The following ATF6B variants were observed in gnomAD, a reference collection of about 807,000 sequenced individuals.
ATF6B encodes cyclic AMP-dependent transcription factor ATF-6 beta.
In ATF6B, 50 loss-of-function variants were observed where a neutral mutation model predicts 83.5. The ratio of observed to expected loss-of-function variants is 0.60; its 90% CI spans 0.48 to 0.76. The LOEUF is 0.76. Among genes scored for constraint, ATF6B ranks in the 30% least tolerant of loss-of-function variants. The pLI, the probability that ATF6B is intolerant of heterozygous loss-of-function variation, is 0.00. For synonymous variants in ATF6B, 344 were observed against 362.8 expected, an observed-to-expected ratio of 0.95 and a Z score of 0.59; for missense variants, 790 against 893.8, an observed-to-expected ratio of 0.88 and a Z score of 1.48.
intron 4 of ATF6B, among the ~76,000 whole-genome samples, chr6:32,126,766 A>G (rs1781996109): frequency 6.6e-6 from 1 of 152,166 alleles, no homozygotes; most frequent in African/African-American, 2.4e-5. Context: ...AGGCTGAGGC[A>G]GGAGGATCAC....
chr6:32,123,250 AAAAG>A (rs946287675), intron 5 of ATF6B, among the ~76,000 whole-genome samples: 1 of 150,752 alleles, frequency 6.6e-6, no homozygotes, highest in African/African-American at 2.4e-5. Context: ...AAAAAAAAAA[AAAAG>A]GGAACTATTT....
At chr6:32,121,735 TG>T (rs1203193978) in intron 5 of ATF6B, among the ~76,000 whole-genome samples, 1 of 152,024 alleles carries the variant, frequency 6.6e-6, no homozygotes, top group African/African-American at 2.4e-5. Flanking sequence ...GATGGGGAAA[TG>T]GGTCCTTTCT....
At chr6:32,121,228 GA>G in intron 6 of ATF6B, 34 bp downstream of exon 6, 1 of 1,612,238 alleles carries the variant, frequency 6.2e-7, no homozygotes, top group South Asian at 1.1e-5. Flanking sequence ...GAACTCACTG[GA>G]AAACCTGGAG....
chr6:32,117,595 C>CCT lies in ATF6B; in HGVS notation c.1523_1524insAG (p.Ser509GlyfsTer3). Reference sequence around the variant, plus strand: ...AGCAATGAATCCCACACCTCAGGGACTCAGTGCGGTTGAAGTGCCGGCAAT... The same window carrying CCT: ...AGCAATGAATCCCACACCTCAGGGACCTTCAGTGCGGTTGAAGTGCCGGCAAT... On this transcript the variant is annotated frameshift_variant, in exon 13 of 18. Coordinates refer to ENST00000375203, the MANE Select transcript of ATF6B (RefSeq NM_004381.5). LOFTEE classifies it high-confidence loss of function. The surrounding 1 kb of genome is among the most constrained non-coding windows in gnomAD (Gnocchi z 5.0). 1 of 1,613,938 alleles carries CCT rather than the reference C, an allele frequency of 6.2e-7. No homozygotes were observed. The highest frequency in any genetic ancestry group is 8.5e-7 in the Non-Finnish European group (1 of 1,179,850).
chr6:32,127,902 C>G, intron 1 of ATF6B, 152 bp from the exon 2 acceptor site: 1 of 1,009,708 alleles, frequency 9.9e-7, no homozygotes, highest in South Asian at 1.6e-5. Flanking sequence ...TTCAGCCCCT[C>G]CTTCCCCGAC....
chr6:32,127,151 G>A lies in ATF6B; in HGVS notation c.294C>T (p.Ser98=). The A allele has an allele frequency of 3.7e-6, 6 of 1,612,048 alleles. No homozygotes were observed. The highest frequency in any genetic ancestry group is 5.1e-6 in the Non-Finnish European group (6 of 1,179,362). Residue 98 remains serine, a synonymous_variant, in exon 4 of 18, where the codon TCC becomes TCT. Transcript: ENST00000375203. ...KSEPSSPCSS[S]SLSSESSRLS... is the part of the protein sequence containing the mutation. ...GACGCGATGACTCGGAGCTGAGGGA[G>A]GAGGAAGAGCAGGGGGAAGATGGCT...
rs199610969 is a variant in ATF6B, at chr6:32,116,787, G to A, written c.1714C>T (p.Arg572Cys). The change falls in exon 16 of 18, where the codon CGC (arginine) becomes TGC (cysteine). Residue 572 changes from arginine to cysteine, a missense_variant. Physicochemically the swap from Arg to Cys is radical, Grantham distance 180. Transcript: ENST00000375203. The surrounding 1 kb of genome is among the most constrained non-coding windows in gnomAD (Gnocchi z 5.1). Reference protein sequence around the residue: ...RDSVGQLQLYRHPDRSQPAFL... With the variant: ...RDSVGQLQLYCHPDRSQPAFL... ...GCTGGCTGCGAACGGTCTGGGTGGC[G>A]ATATAGTTGCAGCTGGCCCACAGAA... The A allele has an allele frequency of 7.4e-5, 120 of 1,614,124 alleles. No individual in the cohort carries two copies. The highest frequency in any genetic ancestry group is 9.7e-5 in the Non-Finnish European group (114 of 1,180,018).
In ATF6B at chr6:32,117,854, C is replaced by G; in HGVS notation, c.1424+5G>C. On this transcript the variant is annotated splice_donor_5th_base_variant and intron_variant, in intron 12 of 17. Transcript: ENST00000375203. The surrounding 1 kb of genome is among the most constrained non-coding windows in gnomAD (Gnocchi z 5.0). Reference sequence around the variant, plus strand: ...CGAGAGGGGGCCCTCTCTCTCTCTCCTCACCTGAAACTGGGCTGGTCTGTG... The same window carrying G: ...CGAGAGGGGGCCCTCTCTCTCTCTCGTCACCTGAAACTGGGCTGGTCTGTG... 6.4e-7 allele frequency: 1 copy of G among 1,560,716 alleles called. No homozygotes were observed.
rs779288120 is a variant in ATF6B, at chr6:32,119,191, A to C, written c.967-50T>G. On this transcript the variant is annotated intron_variant, in intron 9 of 17. Transcript: ENST00000375203. This position sits in a 1 kb window ranked among gnomAD's most constrained non-coding sequence, Gnocchi z 4.9. ...GAATGACAGATGAGTTGGCAGAAGG[A>C]GACTATGCTCTCAAACCCCAAGGAA... 3.2e-6 allele frequency: 5 copies of C among 1,553,098 alleles called. No homozygotes were observed. The highest frequency in any genetic ancestry group is 4.3e-6 in the Non-Finnish European group (5 of 1,153,528).
At chr6:32,123,974 T>C (rs1426665632) in intron 5 of ATF6B, among the ~76,000 whole-genome samples, 1 of 152,108 alleles carries the variant, frequency 6.6e-6, no homozygotes, top group Non-Finnish European at 1.5e-5. Context: ...GGAGCCAAAG[T>C]GGGTGGATCA....
chr6:32,117,543 T>C lies in ATF6B; in HGVS notation c.1532+44A>G. 3.1e-6 allele frequency: 5 copies of C among 1,604,744 alleles called. No individual in the cohort carries two copies. Among genetic ancestry groups the C allele is most frequent in the African/African-American group, 1.3e-5 (1 of 74,760 alleles). Reference sequence around the variant, plus strand: ...CAGCCAGGCTGACTGCAGAAGGCCTTGGGAGGCCGGGGGAGCTGGATGCCC... The same window carrying C: ...CAGCCAGGCTGACTGCAGAAGGCCTCGGGAGGCCGGGGGAGCTGGATGCCC... On this transcript the variant is annotated intron_variant, in intron 13 of 17. Transcript: ENST00000375203. This position sits in a 1 kb window ranked among gnomAD's most constrained non-coding sequence, Gnocchi z 5.0.
chr6:32,121,423 C>G, intron 5 of ATF6B, 75 bp from the exon 6 acceptor site: 1 of 1,443,062 alleles, frequency 6.9e-7, no homozygotes, highest in Non-Finnish European at 9.6e-7. Flanking sequence ...AGATGGGAGG[C>G]TGGGCATGGT....
In ATF6B at chr6:32,115,671, T is replaced by G. The variant is rs1198523818; in HGVS notation, c.*68A>C. 7.2e-7 allele frequency: 1 copy of G among 1,386,642 alleles called. No homozygotes were observed. 85.9% of individuals were successfully genotyped at this position (1,386,642 alleles called of 1,614,324 possible). On this transcript the variant is annotated 3_prime_UTR_variant, in exon 18 of 18. Coordinates refer to ENST00000375203, the MANE Select transcript of ATF6B (RefSeq NM_004381.5). ...CCCCAAGCCTGGGGATCAGGGAAATTTGAAACAGTCCCACCTGGCCACCTG... is the reference window on the plus strand; with the variant it reads ...CCCCAAGCCTGGGGATCAGGGAAATGTGAAACAGTCCCACCTGGCCACCTG...
rs1281600265 is a variant in ATF6B at position 32,119,508 on chromosome 6, C to A, written c.966+316G>T. On this transcript the variant is annotated intron_variant, in intron 9 of 17. Coordinates refer to ENST00000375203, the MANE Select transcript of ATF6B (RefSeq NM_004381.5). This position sits in a 1 kb window ranked among gnomAD's most constrained non-coding sequence, Gnocchi z 4.9. ...GTTTACCTGATTTTCCCCTAGGAGG[C>A]AGCCTCCCTCCCCAACTATGGCCAT... Among the ~76,000 whole-genome samples, 1 of 152,126 alleles carries A rather than the reference C, an allele frequency of 6.6e-6. No homozygotes were observed. Among genetic ancestry groups the A allele is most frequent in the Non-Finnish European group, 1.5e-5 (1 of 68,010 alleles).
rs1054779498 is a variant in ATF6B at position 32,119,384 on chromosome 6, T to C, written c.967-243A>G. Among the ~76,000 whole-genome samples the C allele has an allele frequency of 6.6e-6, 1 of 152,176 alleles. No homozygotes were observed. The highest frequency in any genetic ancestry group is 2.4e-5 in the African/African-American group (1 of 41,438). On this transcript the variant is annotated intron_variant, in intron 9 of 17. Coordinates refer to ENST00000375203, the MANE Select transcript of ATF6B (RefSeq NM_004381.5). This position sits in a 1 kb window ranked among gnomAD's most constrained non-coding sequence, Gnocchi z 4.9. ...GAAAGGTTAGAGTGTGGGAAGAACT[T>C]TCTCCATGCTGGTGGAAACTCTTTC...
chr6:32,120,955 A>G (rs1781741004), intron 7 of ATF6B, 34 bp downstream of exon 7: 2 of 1,519,472 alleles, frequency 1.3e-6, no homozygotes, highest in South Asian at 2.6e-5. Flanking sequence ...AAGGCCTCTC[A>G]CTAGGGATTC....
In ATF6B at chr6:32,126,239, C is replaced by T; in HGVS notation, c.356G>A (p.Gly119Glu). 2 of 1,613,870 alleles carry T rather than the reference C, an allele frequency of 1.2e-6. No homozygotes were observed. Among genetic ancestry groups the T allele is most frequent in the South Asian group, 1.1e-5 (1 of 91,044 alleles). The part of the protein sequence containing the change: ...TEPSSEALGV[G>E]EVLHVKTESL... ...CTCTGTCTTCACATGGAGCACCTCC[C>T]CTACCCCAAGAGCCTGGGTGAGAGT... Residue 119 changes from glycine to glutamate, a missense_variant, in exon 5 of 18, where the codon GGG becomes GAG. By Grantham distance (98) the Gly-to-Glu change is moderately conservative. Around this residue, in one of 3 missense-constraint regions of ATF6B, gnomAD observed 253 missense variants for 243.1 expected, o/e 1.04. Transcript: ENST00000375203.
chr6:32,128,116 C>A lies in ATF6B; in HGVS notation c.91+1G>T. On this transcript the variant is annotated splice_donor_variant, in intron 1 of 17. Transcript: ENST00000375203. LOFTEE classifies it high-confidence loss of function. ...GCCCTCTCCCCTCCCCGGTGCCTCA[C>A]TCTGCAGACCCCAGTCCTCCGGGCT... The A allele has an allele frequency of 1.2e-6, 2 of 1,613,198 alleles. No individual in the cohort carries two copies. Among genetic ancestry groups the A allele is most frequent in the Non-Finnish European group, 1.7e-6 (2 of 1,179,960 alleles).
At position 32,117,794 on chromosome 6, in the gene ATF6B, T is replaced by C. The variant is rs1781590435; in HGVS notation, c.1424+65A>G. The C allele has an allele frequency of 6.4e-7, 1 of 1,568,642 alleles. No homozygotes were observed. Among genetic ancestry groups the C allele is most frequent in the Admixed American group, 2.0e-5 (1 of 51,170 alleles). On this transcript the variant is annotated intron_variant, in intron 12 of 17. Coordinates refer to ENST00000375203, the MANE Select transcript of ATF6B (RefSeq NM_004381.5). This position sits in a 1 kb window ranked among gnomAD's most constrained non-coding sequence, Gnocchi z 5.0. ...AGAGAAAGCTTTGGGTCCCCCTCACTGAAAGCGGGGAGAAGACCAACTCAT... is the reference window on the plus strand; with the variant it reads ...AGAGAAAGCTTTGGGTCCCCCTCACCGAAAGCGGGGAGAAGACCAACTCAT...
Sources: allele counts gnomAD v4.1 joint callset (sites outside exome capture counted in the v4.1 genomes callset), GRCh38; gene constraint gnomAD v4.1.1; regional missense constraint gnomAD v4.1.1; non-coding constraint Gnocchi (gnomAD v3.1); transcripts MANE v1.5; gene names NCBI Gene and HGNC (gene_info 2026-07-23, HGNC 2026-07-21).